The following SCGN variants were observed in gnomAD, a reference collection of about 807,000 sequenced individuals.
SCGN encodes secretagogin, EF-hand calcium binding protein.
SCGN carries 30 observed loss-of-function variants against 39.7 expected under a neutral mutation model. That is an observed-to-expected ratio of 0.76 (90% CI 0.57 to 1.03). The LOEUF (loss-of-function observed/expected upper bound fraction) is 1.03. SCGN is among the 50% of genes least tolerant of loss of function. The pLI is 0.00. For missense variants in SCGN, 353 were observed against 349.4 expected, an observed-to-expected ratio of 1.01 and a Z score of -0.08; for synonymous variants, 106 against 114.1, an observed-to-expected ratio of 0.93 and a Z score of 0.45.
intron 7 of SCGN, among the ~76,000 whole-genome samples, chr6:25,688,801 CAA>C (rs10626691): frequency 9.7e-5 from 10 of 103,056 alleles, no homozygotes; most frequent in South Asian, 3.6e-4. Flanking sequence ...GATTCTGTCT[CAA>C]AAAAAAAAAA....
intron 6 of SCGN, among the ~76,000 whole-genome samples, chr6:25,672,944 C>T (rs1446741019): frequency 1.3e-5 from 2 of 152,112 alleles, no homozygotes; most frequent in African/African-American, 4.8e-5. Flanking sequence ...CTGATGTTAT[C>T]TGTTTATGGG....
chr6:25,658,003 C>CTTTTTTTTTTTTTTTTTTTTTTTTTTT (rs759915721), intron 2 of SCGN, among the ~76,000 whole-genome samples: 2 of 70,382 alleles, frequency 2.8e-5, no homozygotes, highest in African/African-American at 5.3e-5. Context: ...GAAAGGTATC[C>CTTTTTTTTTTTTTTTTTTTTTTTTTTT]TTTTTTTTTT....
chr6:25,671,142 A>T (rs1460135414), intron 6 of SCGN, among the ~76,000 whole-genome samples: 1 of 152,220 alleles, frequency 6.6e-6, no homozygotes, highest in African/African-American at 2.4e-5. Flanking sequence ...TGACATATTT[A>T]GGCTTTTAAT....
intron 10 of SCGN, among the ~76,000 whole-genome samples, chr6:25,694,611 A>C (rs1300405159): frequency 6.6e-6 from 1 of 152,206 alleles, no homozygotes; most frequent in Non-Finnish European, 1.5e-5. Flanking sequence ...ATTCAAAAGG[A>C]ATTTATTGGG....
rs749159686 is a variant in SCGN, at chr6:25,682,009, G to GAGTTACA, written c.527+4_527+10dup. ...TTGGATCTAAATGACTTAGCAAGGTGAGTTACATGGAAATGATATCATACA... is the reference window on the plus strand; with the variant it reads ...TTGGATCTAAATGACTTAGCAAGGTGAGTTACAAGTTACATGGAAATGATATCATACA... On this transcript the variant is annotated splice_donor_region_variant and intron_variant, in intron 7 of 10. Transcript: ENST00000377961. 2.5e-6 allele frequency: 4 copies of GAGTTACA among 1,605,224 alleles called. No individual in the cohort carries two copies. Among genetic ancestry groups the GAGTTACA allele is most frequent in the Non-Finnish European group, 3.4e-6 (4 of 1,171,948 alleles).
chr6:25,693,233 C>T (rs954162456), intron 10 of SCGN, among the ~76,000 whole-genome samples: 2 of 151,886 alleles, frequency 1.3e-5, no homozygotes, highest in Non-Finnish European at 2.9e-5. Flanking sequence ...AGGTGGATCA[C>T]GAGGTCAGGA....
At chr6:25,666,290 A>C (rs1760423904) in intron 4 of SCGN, among the ~76,000 whole-genome samples, 1 of 151,928 alleles carries the variant, frequency 6.6e-6, no homozygotes, top group Admixed American at 6.6e-5. Context: ...CAGGAGGCGG[A>C]GTTGTAGTGA....
chr6:25,673,199 C>T (rs1759522722), intron 6 of SCGN, among the ~76,000 whole-genome samples: 1 of 152,198 alleles, frequency 6.6e-6, no homozygotes, highest in African/African-American at 2.4e-5. Context: ...ATGGCTCTTG[C>T]TCCCTCTTGG....
At chr6:25,661,037 G>T (rs1189097621) in intron 2 of SCGN, among the ~76,000 whole-genome samples, 1 of 152,086 alleles carries the variant, frequency 6.6e-6, no homozygotes, top group African/African-American at 2.4e-5. Flanking sequence ...GGTTAACTCG[G>T]CAATTACCTT....
At chr6:25,685,589 G>T (rs534251150) in intron 7 of SCGN, among the ~76,000 whole-genome samples, 1 of 152,034 alleles carries the variant, frequency 6.6e-6, no homozygotes, top group East Asian at 1.9e-4. Context: ...ATATCCTCAT[G>T]ACTATGAATA....
intron 2 of SCGN, among the ~76,000 whole-genome samples, chr6:25,654,875 G>A (rs547523240): frequency 1.3e-5 from 2 of 152,150 alleles, no homozygotes; most frequent in African/African-American, 4.8e-5. Flanking sequence ...AGAGACACAA[G>A]TCCCTTCTTT....
At chr6:25,669,897 C>T in intron 5 of SCGN, 102 bp from the exon 6 acceptor site, 2 of 971,758 alleles carry the variant, frequency 2.1e-6, no homozygotes, top group Admixed American at 1.9e-5. Context: ...TTTATTTCCT[C>T]CTGGAAACAA....
intron 9 of SCGN, 102 bp from the exon 10 acceptor site, chr6:25,690,954 C>A: frequency 2.6e-6 from 2 of 784,286 alleles, no homozygotes; most frequent in Admixed American, 2.4e-5. Context: ...AATCTATTTG[C>A]GGCCACACAA....
intron 10 of SCGN, among the ~76,000 whole-genome samples, chr6:25,696,407 T>C (rs1017011102): frequency 1.3e-5 from 2 of 152,058 alleles, no homozygotes; most frequent in Non-Finnish European, 2.9e-5. Context: ...ATACTATATA[T>C]AGCCTATTAC....
At chr6:25,697,845 A>G (rs903978774) in intron 10 of SCGN, among the ~76,000 whole-genome samples, 2 of 152,218 alleles carry the variant, frequency 1.3e-5, no homozygotes, top group Non-Finnish European at 2.9e-5. Context: ...TGTAGTGATA[A>G]AAAATATACA....
chr6:25,672,277 C>T (rs1317456030), intron 6 of SCGN, among the ~76,000 whole-genome samples: 1 of 152,124 alleles, frequency 6.6e-6, no homozygotes, highest in Admixed American at 6.5e-5. Flanking sequence ...ATTCTAGTCA[C>T]CAGGGATTCA....
chr6:25,688,756 C>T (rs1313889617), intron 7 of SCGN, among the ~76,000 whole-genome samples: 2 of 148,132 alleles, frequency 1.4e-5, no homozygotes, highest in East Asian at 2.0e-4. Flanking sequence ...GAGGCGAGAT[C>T]GCACCACTGC....
At chr6:25,656,471 A>T (rs1178631590) in intron 2 of SCGN, among the ~76,000 whole-genome samples, 1 of 152,138 alleles carries the variant, frequency 6.6e-6, no homozygotes, top group Non-Finnish European at 1.5e-5. Flanking sequence ...ACTTAATGGA[A>T]CCATCAGCTG....
At position 25,661,634 on chromosome 6, in the gene SCGN, G is replaced by A. The variant is rs773596671; in HGVS notation, c.236G>A (p.Arg79Gln). 1.1e-5 allele frequency: 18 copies of A among 1,609,096 alleles called. No individual in the cohort carries two copies. The highest frequency in any genetic ancestry group is 6.7e-5 in the African/African-American group (5 of 74,782). Reference protein sequence around the residue: ...TQDASKDGRIRMKELAGMFLS... With the variant: ...TQDASKDGRIQMKELAGMFLS... ...GATGCCTCTAAAGATGGTCGCATTC[G>A]GATGAAAGAGGTAACTTTACTGACA... The change falls in exon 3 of 11, where the codon CGG (arginine) becomes CAG (glutamine). Residue 79 changes from arginine (R) to glutamine (Q), a missense_variant. Transcript: ENST00000377961.
Sources: allele counts gnomAD v4.1 joint callset (sites outside exome capture counted in the v4.1 genomes callset), GRCh38; gene constraint gnomAD v4.1.1; transcripts MANE v1.5; gene names NCBI Gene and HGNC (gene_info 2026-07-23, HGNC 2026-07-21).